Variants in TICRR observed in about 807,000 individuals in gnomAD.
TICRR encodes treslin.
TICRR carries 132 observed loss-of-function variants against 178.1 expected under a neutral mutation model. The ratio of observed to expected loss-of-function variants is 0.74; its 90% CI spans 0.64 to 0.86. TICRR has a LOEUF of 0.86. TICRR is among the 40% of genes least tolerant of loss of function. The probability of loss-of-function intolerance (pLI) is 0.00; values close to 1 mark genes in which losing one functional copy is unlikely to be tolerated. For missense variants in TICRR, 2,587 were observed against 2,334.3 expected (o/e 1.11, Z -2.23); for synonymous variants, 991 against 900.7 (o/e 1.10, Z -1.79).
intron 15 of TICRR, among the ~76,000 whole-genome samples, chr15:89,610,202 C>T (rs1428876147): frequency 1.3e-5 from 2 of 152,154 alleles, no homozygotes; most frequent in African/African-American, 4.8e-5. Flanking sequence ...GTGAAGCATT[C>T]TATAGATGTG....
At chr15:89,585,632 T>C in intron 3 of TICRR, 76 bp from the exon 4 acceptor site, 1 of 988,308 alleles carries the variant, frequency 1.0e-6, no homozygotes. Flanking sequence ...ATGGTTATTC[T>C]GTCTTTTAGT....
At chr15:89,621,632 G>A in intron 19 of TICRR, 82 bp downstream of exon 19, 1 of 1,238,566 alleles carries the variant, frequency 8.1e-7, no homozygotes, top group East Asian at 2.5e-5. Flanking sequence ...GTCCATTAGG[G>A]AAGAGAAAGC....
rs748126955 is a variant in TICRR, at chr15:89,582,819, G to C, written c.788G>C (p.Gly263Ala). 51 of 1,614,064 alleles carry C rather than the reference G, an allele frequency of 3.2e-5. No individual in the cohort carries two copies. The highest frequency in any genetic ancestry group is 4.2e-5 in the Non-Finnish European group (49 of 1,180,044). ...GCTGGGGAAATGCTGCTCAGGAGTG[G>C]AATAAAGCTGTCAAGTGAACCTCAT... ...AQAGEMLLRSGIKLSSEPHLS... is the reference protein window; with the variant it reads ...AQAGEMLLRSAIKLSSEPHLS... Residue 263 changes from glycine to alanine, a missense_variant, in exon 2 of 22, where the codon GGA (glycine) becomes GCA (alanine). Physicochemically the swap from Gly to Ala is moderately conservative, Grantham distance 60. Transcript: ENST00000268138.
chr15:89,597,032 T>G (rs1963009010), intron 7 of TICRR, among the ~76,000 whole-genome samples: 2 of 152,232 alleles, frequency 1.3e-5, no homozygotes, highest in Admixed American at 1.3e-4. Context: ...TAATATTTGC[T>G]GAAACTGACC....
chr15:89,626,065 A>G lies in TICRR; in HGVS notation c.5602+4A>G, dbSNP rs770729671. The stretch of plus-strand genomic sequence containing the variant: ...TCTCAGAGCAAAGACCCCAGAGGTA[A>G]TGTTTGTTGAAGGTCTAGGACCCTT... On this transcript the variant is annotated splice_donor_region_variant and intron_variant, in intron 21 of 21. Transcript: ENST00000268138. The G allele has an allele frequency of 6.2e-7, 1 of 1,613,378 alleles. No homozygotes were observed. The highest frequency in any genetic ancestry group is 1.3e-5 in the African/African-American group (1 of 74,892).
At chr15:89,594,728 A>G (rs1455966501) in intron 6 of TICRR, among the ~76,000 whole-genome samples, 174 bp downstream of exon 6, 3 of 152,254 alleles carry the variant, frequency 2.0e-5, no homozygotes, top group South Asian at 2.1e-4. Context: ...TAAAAAATCA[A>G]CCAGTCTTAT....
At chr15:89,576,632 G>C (rs1042231133) in intron 1 of TICRR, among the ~76,000 whole-genome samples, 2 of 151,816 alleles carry the variant, frequency 1.3e-5, no homozygotes, top group African/African-American at 4.8e-5. Flanking sequence ...ACCCTTTAAG[G>C]CTTCTTCTCC....
chr15:89,593,072 G>A (rs917003325), intron 5 of TICRR, among the ~76,000 whole-genome samples: 5 of 152,010 alleles, frequency 3.3e-5, no homozygotes, highest in African/African-American at 1.2e-4. Flanking sequence ...CTTTGGTTTC[G>A]TTTTTTTAAA....
At chr15:89,592,538 C>T (rs1427729184) in intron 5 of TICRR, among the ~76,000 whole-genome samples, 1 of 152,070 alleles carries the variant, frequency 6.6e-6, no homozygotes, top group Non-Finnish European at 1.5e-5. Flanking sequence ...GAAGTATTTG[C>T]AGACCGTTTT....
At chr15:89,585,221 G>A (rs1261454399) in intron 3 of TICRR, among the ~76,000 whole-genome samples, 1 of 152,194 alleles carries the variant, frequency 6.6e-6, no homozygotes, top group Non-Finnish European at 1.5e-5. Flanking sequence ...CACTGGGTTT[G>A]GGAGTCAGTG....
At chr15:89,623,455 C>T (rs569620931) in intron 19 of TICRR, among the ~76,000 whole-genome samples, 168 bp from the exon 20 acceptor site, 20 of 152,346 alleles carry the variant, frequency 1.3e-4, no homozygotes, top group Non-Finnish European at 2.1e-4. Flanking sequence ...CAAGTAAAAT[C>T]TGAGTCATGT....
Position 89,625,912 on chromosome 15 carries a change from TCTTA to T in TICRR, c.5477-21_5477-18del, listed in dbSNP as rs1567054299. On this transcript the variant is annotated intron_variant, in intron 20 of 21. Transcript: ENST00000268138. The stretch of plus-strand genomic sequence containing the variant: ...CCGGTTGGGGGTCTGGGGACGCTGC[TCTTA>T]CTATGTGGGATCTCTTTAGGCTCCA... 5 of 1,549,334 alleles carry T rather than the reference TCTTA, an allele frequency of 3.2e-6. No homozygotes were observed. The highest frequency in any genetic ancestry group is 2.0e-5 in the Admixed American group (1 of 49,008).
At chr15:89,584,573 T>A in intron 3 of TICRR, 46 bp downstream of exon 3, 1 of 1,494,712 alleles carries the variant, frequency 6.7e-7, no homozygotes, top group Non-Finnish European at 8.9e-7. Context: ...AACAACACAC[T>A]GGTAAAGTGA....
Position 89,575,625 on chromosome 15 carries a change from C to T in TICRR, c.39C>T (p.Thr13=). The stretch of plus-strand genomic sequence containing the variant: ...ACAAAGTAATGCTGCTGCTGGACAC[C>T]GCGGGCGGCGCCGCCCGCCACAGCC... ...CCHKVMLLLD[T]AGGAARHSRV... is the part of the protein sequence containing the mutation. Residue 13 remains threonine (T), a synonymous_variant, in exon 1 of 22, where the codon ACC becomes ACT. Transcript: ENST00000268138. The T allele has an allele frequency of 1.9e-6, 3 of 1,540,066 alleles. No individual in the cohort carries two copies. Among genetic ancestry groups the T allele is most frequent in the Non-Finnish European group, 2.6e-6 (3 of 1,147,954 alleles).
chr15:89,617,681 C>T (rs2141977658), intron 16 of TICRR, among the ~76,000 whole-genome samples: 1 of 148,418 alleles, frequency 6.7e-6, no homozygotes, highest in East Asian at 2.0e-4. Flanking sequence ...GCCACTGCAC[C>T]CAGCTATCTT....
chr15:89,588,232 T>C (rs976688933), intron 4 of TICRR, among the ~76,000 whole-genome samples: 1 of 152,074 alleles, frequency 6.6e-6, no homozygotes, highest in African/African-American at 2.4e-5. Context: ...GAAGTGGCTC[T>C]TGAGAGGGTG....
At chr15:89,597,503 T>TCTCTG (rs1349292114) in intron 7 of TICRR, among the ~76,000 whole-genome samples, 4,072 of 148,508 alleles carry the variant, frequency 0.027, 180 homozygotes, top group African/African-American at 0.096. Flanking sequence ...CCAGCCTGGG[T>TCTCTG]GACGGAGCAA....
intron 18 of TICRR, 99 bp downstream of exon 18, chr15:89,619,941 A>G: frequency 2.8e-6 from 4 of 1,427,374 alleles, no homozygotes; most frequent in Non-Finnish European, 3.8e-6. Context: ...CTTTCTTGAC[A>G]TTGGAGAAGT....
chr15:89,600,992 G>A (rs1280120654), intron 9 of TICRR, among the ~76,000 whole-genome samples: 1 of 132,640 alleles, frequency 7.5e-6, no homozygotes, highest in Non-Finnish European at 1.5e-5. Flanking sequence ...ACTACTGTGA[G>A]CTATGATCCC....
Sources: allele counts gnomAD v4.1 joint callset (sites outside exome capture counted in the v4.1 genomes callset), GRCh38; gene constraint gnomAD v4.1.1; transcripts MANE v1.5; gene names NCBI Gene and HGNC (gene_info 2026-07-23, HGNC 2026-07-21).